GORASP1: variants seen among roughly 807,000 people sequenced by gnomAD.
The protein encoded by GORASP1 is Golgi reassembly-stacking protein 1.
In GORASP1, 31 loss-of-function variants were observed where a neutral mutation model predicts 37.7. The ratio of observed to expected loss-of-function variants is 0.82; its 90% CI spans 0.62 to 1.11. GORASP1 has a LOEUF of 1.11. Among genes scored for constraint, GORASP1 ranks in the 50% least tolerant of loss-of-function variants. The pLI is 0.00. For missense variants in GORASP1, 476 were observed against 560.7 expected (o/e 0.85, Z 1.53); for synonymous variants, 204 against 224.8 (o/e 0.91, Z 0.83).
Position 39,103,615 on chromosome 3 carries a change from C to T in GORASP1, c.64-62G>A. 1 of 1,328,464 alleles carries T rather than the reference C, an allele frequency of 7.5e-7. No individual in the cohort carries two copies. Among genetic ancestry groups the T allele is most frequent in the Non-Finnish European group, 1.1e-6 (1 of 948,508 alleles). The allele number at this position is 1,328,464 out of a possible 1,614,324, so 82.3% of individuals were successfully genotyped here. On this transcript the variant is annotated intron_variant, in intron 1 of 8. Transcript: ENST00000319283. This position sits in a 1 kb window ranked among gnomAD's most constrained non-coding sequence, Gnocchi z 5.2. ...CCTGGGACTCTCCAAGTAGCCCTCTCCCCCATTTCAGGAACCATCAGCACT... is the reference window on the plus strand; with the variant it reads ...CCTGGGACTCTCCAAGTAGCCCTCTTCCCCATTTCAGGAACCATCAGCACT...
In GORASP1 at chr3:39,100,180, A is replaced by C. The variant is rs2035604251; in HGVS notation, c.765+125T>G. On this transcript the variant is annotated intron_variant, in intron 6 of 8. Transcript: ENST00000319283. This position sits in a 1 kb window ranked among gnomAD's most constrained non-coding sequence, Gnocchi z 4.6. ...CTCCAGGCATGGCCTGCCTGCTCCC[A>C]CTGGGTCCCAGAAGTACATGGGCCT... 3.4e-6 allele frequency: 3 copies of C among 876,206 alleles called. No homozygotes were observed. Among genetic ancestry groups the C allele is most frequent in the Non-Finnish European group, 5.6e-6 (3 of 536,376 alleles). 54.3% of individuals were successfully genotyped at this position (876,206 alleles called of 1,614,324 possible). A position where few individuals can be genotyped will look rare whatever the true frequency, so the allele number is the denominator to read the frequency against.
Position 39,100,146 on chromosome 3 carries a change from G to A in GORASP1, c.765+159C>T, listed in dbSNP as rs1225636666. On this transcript the variant is annotated intron_variant, in intron 6 of 8. Coordinates refer to ENST00000319283, the MANE Select transcript of GORASP1 (RefSeq NM_031899.4). The surrounding 1 kb of genome is among the most constrained non-coding windows in gnomAD (Gnocchi z 4.6). ...CAAGGGGCAGGAAAGCCAAAAGTGA[G>A]TTTCACTGCTCCAGGCATGGCCTGC... Among the ~76,000 whole-genome samples, 1 of 152,256 alleles carries A rather than the reference G, an allele frequency of 6.6e-6. No homozygotes were observed. The highest frequency in any genetic ancestry group is 6.5e-5 in the Admixed American group (1 of 15,292).
Position 39,103,642 on chromosome 3 carries a change from C to T in GORASP1, c.64-89G>A. 2 of 919,620 alleles carry T rather than the reference C, an allele frequency of 2.2e-6. No individual in the cohort carries two copies. Among genetic ancestry groups the T allele is most frequent in the South Asian group, 3.1e-5 (2 of 63,522 alleles). The allele number at this position is 919,620 out of a possible 1,614,324, so 57.0% of individuals were successfully genotyped here. A position where few individuals can be genotyped will look rare whatever the true frequency, so the allele number is the denominator to read the frequency against. Reference sequence around the variant, plus strand: ...CCCATTTCAGGAACCATCAGCACTCCCAGTGTGCCAGCCAGAACACATGTC... The same window carrying T: ...CCCATTTCAGGAACCATCAGCACTCTCAGTGTGCCAGCCAGAACACATGTC... On this transcript the variant is annotated intron_variant, in intron 1 of 8. Coordinates refer to ENST00000319283, the MANE Select transcript of GORASP1 (RefSeq NM_031899.4). This position sits in a 1 kb window ranked among gnomAD's most constrained non-coding sequence, Gnocchi z 5.2.
intron 6 of GORASP1, 71 bp from the exon 7 acceptor site, chr3:39,099,574 A>G: frequency 2.0e-6 from 3 of 1,474,100 alleles, no homozygotes; most frequent in Non-Finnish European, 2.8e-6. Context: ...TTGCAGTCCA[A>G]CCTAACCACC....
rs560467073 is a variant in GORASP1 at position 39,096,995 on chromosome 3, G to A, written c.*1241C>T. The A allele has an allele frequency of 6.6e-6, 1 of 152,426 alleles. No individual in the cohort carries two copies. The highest frequency in any genetic ancestry group is 1.5e-5 in the Non-Finnish European group (1 of 68,056). 9.4% of individuals were successfully genotyped at this position (152,426 alleles called of 1,614,324 possible). Reference sequence around the variant, plus strand: ...ACGATCCAGGACACAATGCCTCACTGTTATGCACACGTATCAGCTGCTCTG... The same window carrying A: ...ACGATCCAGGACACAATGCCTCACTATTATGCACACGTATCAGCTGCTCTG... On this transcript the variant is annotated 3_prime_UTR_variant, in exon 9 of 9. Coordinates refer to ENST00000319283, the MANE Select transcript of GORASP1 (RefSeq NM_031899.4).
Position 39,100,948 on chromosome 3 carries a change from T to C in GORASP1, c.435+68A>G, listed in dbSNP as rs2035663939. On this transcript the variant is annotated intron_variant, in intron 4 of 8. Coordinates refer to ENST00000319283, the MANE Select transcript of GORASP1 (RefSeq NM_031899.4). This position sits in a 1 kb window ranked among gnomAD's most constrained non-coding sequence, Gnocchi z 4.6. ...CCTCAACAAAACCAGACACTTCTCA[T>C]GGACAGCACCCTTCTCTTCACACCA... The C allele has an allele frequency of 1.9e-6, 3 of 1,613,660 alleles. No homozygotes were observed. In the South Asian group the frequency reaches 3.3e-5, roughly 18 times the overall value.
At chr3:39,099,767 G>A (rs769896870) in intron 6 of GORASP1, among the ~76,000 whole-genome samples, 1 of 152,154 alleles carries the variant, frequency 6.6e-6, no homozygotes, top group African/African-American at 2.4e-5. Context: ...GTGCCCACCT[G>A]GCCCCAACAC....
Position 39,100,875 on chromosome 3 carries a change from G to A in GORASP1, c.438C>T (p.Ser146=), listed in dbSNP as rs778785537. Residue 146 remains serine (S), a splice_region_variant and synonymous_variant, in exon 5 of 9, where the codon TCC becomes TCT. Coordinates refer to ENST00000319283, the MANE Select transcript of GORASP1 (RefSeq NM_031899.4). The surrounding 1 kb of genome is among the most constrained non-coding windows in gnomAD (Gnocchi z 4.6). ...ACTCGATGAGCGTAAAGAAGTCCTC[G>A]GACTGTGAGAAACGCATAGCACCTG... ...VVGSDQILQE[S]EDFFTLIESH... 8.6e-5 allele frequency: 139 copies of A among 1,614,002 alleles called. No individual in the cohort carries two copies. Among genetic ancestry groups the A allele is most frequent in the Middle Eastern group, 6.6e-4 (4 of 6,082 alleles).
In GORASP1 at chr3:39,098,801, C is replaced by T. The variant is rs1267502305; in HGVS notation, c.1009G>A (p.Ala337Thr). 52 of 1,614,042 alleles carry T rather than the reference C, an allele frequency of 3.2e-5. No individual in the cohort carries two copies. Among genetic ancestry groups the T allele is most frequent in the Non-Finnish European group, 4.3e-5 (51 of 1,180,016 alleles). Residue 337 changes from alanine to threonine, a missense_variant, in exon 8 of 9, where the codon GCT (alanine) becomes ACT (threonine). Physicochemically the swap from Ala to Thr is moderately conservative, Grantham distance 58. Coordinates refer to ENST00000319283, the MANE Select transcript of GORASP1 (RefSeq NM_031899.4). The surrounding 1 kb of genome is among the most constrained non-coding windows in gnomAD (Gnocchi z 4.7). ...TCCTCTGGCCCTGAGGTTGAGACAG[C>T]TGTGGTGGTCAGTTCTGTGGAAGAG... ...LPSSTELTTT[A>T]VSTSGPEDIC...
Position 39,098,911 on chromosome 3 carries a change from A to C in GORASP1, c.917-18T>G, listed in dbSNP as rs761157028. The C allele has an allele frequency of 1.2e-6, 2 of 1,613,100 alleles. No individual in the cohort carries two copies. The highest frequency in any genetic ancestry group is 3.3e-5 in the Admixed American group (2 of 59,990). On this transcript the variant is annotated intron_variant, in intron 7 of 8. Transcript: ENST00000319283. This position sits in a 1 kb window ranked among gnomAD's most constrained non-coding sequence, Gnocchi z 4.7. ...CAGGAAGCCTAGGGGAGGGTGGTGC[A>C]GTTCTTTGCCAGCAAGAAACCCTGA...
chr3:39,106,870 C>T, intron 1 of GORASP1: 2 of 284,460 alleles, frequency 7.0e-6, no homozygotes, highest in South Asian at 5.1e-5. Context: ...AAGGCTGGGA[C>T]CCTCCCCAGC....
chr3:39,098,605 A>T lies in GORASP1; in HGVS notation c.1070-116T>A. On this transcript the variant is annotated intron_variant, in intron 8 of 8. Coordinates refer to ENST00000319283, the MANE Select transcript of GORASP1 (RefSeq NM_031899.4). This position sits in a 1 kb window ranked among gnomAD's most constrained non-coding sequence, Gnocchi z 4.7. Reference sequence around the variant, plus strand: ...CACTCCAGGTTTGATGGGGGATTGGAGATGGAGTGTACAAATGCCTTGGTG... The same window carrying T: ...CACTCCAGGTTTGATGGGGGATTGGTGATGGAGTGTACAAATGCCTTGGTG... 6.7e-7 allele frequency: 1 copy of T among 1,499,676 alleles called. No homozygotes were observed. Among genetic ancestry groups the T allele is most frequent in the Non-Finnish European group, 9.0e-7 (1 of 1,108,706 alleles). 92.9% of individuals were successfully genotyped at this position (1,499,676 alleles called of 1,614,324 possible).
At chr3:39,101,838 C>T (rs930254372) in intron 3 of GORASP1, among the ~76,000 whole-genome samples, 1 of 152,190 alleles carries the variant, frequency 6.6e-6, no homozygotes, top group Non-Finnish European at 1.5e-5. Flanking sequence ...CCTCCTTCCA[C>T]CAGGCTACAG....
intron 3 of GORASP1, 79 bp from the exon 4 acceptor site, chr3:39,101,181 T>C: frequency 3.2e-6 from 4 of 1,268,454 alleles, no homozygotes; most frequent in Non-Finnish European, 4.6e-6. Flanking sequence ...GGGAACTGCC[T>C]CTTGAGGTAG....
Position 39,098,383 on chromosome 3 carries a change from G to A in GORASP1, c.1176C>T (p.Leu392=). The A allele has an allele frequency of 1.9e-6, 3 of 1,614,156 alleles. No homozygotes were observed. Among genetic ancestry groups the A allele is most frequent in the Non-Finnish European group, 8.5e-7 (1 of 1,180,042 alleles). The part of the protein sequence containing the change: ...HLPQLTLPDS[L]TSAASPEDGL... The stretch of plus-strand genomic sequence containing the variant: ...CATCTTCTGGTGAGGCTGCAGAGGT[G>A]AGACTGTCAGGAAGAGTCAGCTGAG... The change falls in exon 9 of 9, where the codon CTC becomes CTT. Residue 392 remains leucine, a synonymous_variant. Transcript: ENST00000319283. The surrounding 1 kb of genome is among the most constrained non-coding windows in gnomAD (Gnocchi z 4.7).
In GORASP1 at chr3:39,103,119, A is replaced by G; in HGVS notation, c.145-238T>C. 1.7e-6 allele frequency: 1 copy of G among 603,448 alleles called. No individual in the cohort carries two copies. The highest frequency in any genetic ancestry group is 2.9e-6 in the Non-Finnish European group (1 of 339,572). The allele number at this position is 603,448 out of a possible 1,614,324, so 37.4% of individuals were successfully genotyped here. On this transcript the variant is annotated intron_variant, in intron 2 of 8. Transcript: ENST00000319283. The surrounding 1 kb of genome is among the most constrained non-coding windows in gnomAD (Gnocchi z 5.2). ...AAACCTTCCTCAGCCTGCCAGAAAA[A>G]ACAAAGCAAGCAAAAAGCCTCCCAG...
chr3:39,099,486 A>G lies in GORASP1; in HGVS notation c.783T>C (p.Pro261=). 1 of 1,610,650 alleles carries G rather than the reference A, an allele frequency of 6.2e-7. No individual in the cohort carries two copies. The highest frequency in any genetic ancestry group is 8.5e-7 in the Non-Finnish European group (1 of 1,178,604). ...SDYMEALLQA[P]GSSMEDPLPG... ...GAAGGGGATCCTCCATGGAGGAGCC[A>G]GGTGCCTGCAGCAGGGCCTAGGAAA... Residue 261 remains proline (P), a synonymous_variant, in exon 7 of 9, where the codon CCT becomes CCC. Coordinates refer to ENST00000319283, the MANE Select transcript of GORASP1 (RefSeq NM_031899.4).
chr3:39,097,994 T>C lies in GORASP1; in HGVS notation c.*242A>G. 1.8e-6 allele frequency: 1 copy of C among 554,292 alleles called. No individual in the cohort carries two copies. Among genetic ancestry groups the C allele is most frequent in the East Asian group, 3.1e-5 (1 of 32,482 alleles). 34.3% of individuals were successfully genotyped at this position (554,292 alleles called of 1,614,324 possible). A position where few individuals can be genotyped will look rare whatever the true frequency, so the allele number is the denominator to read the frequency against. The stretch of plus-strand genomic sequence containing the variant: ...CTCACCTCATCTTCACACTGGATTA[T>C]GACCAGACCCTGCTGCCTCCTGGGA... On this transcript the variant is annotated 3_prime_UTR_variant, in exon 9 of 9. Coordinates refer to ENST00000319283, the MANE Select transcript of GORASP1 (RefSeq NM_031899.4).
rs1034962121 is a variant in GORASP1, at chr3:39,098,564, G to A, written c.1070-75C>T. 20 of 1,540,180 alleles carry A rather than the reference G, an allele frequency of 1.3e-5. No individual in the cohort carries two copies. In the East Asian group the frequency reaches 2.0e-4, roughly 16 times the overall value. On this transcript the variant is annotated intron_variant, in intron 8 of 8. Coordinates refer to ENST00000319283, the MANE Select transcript of GORASP1 (RefSeq NM_031899.4). This position sits in a 1 kb window ranked among gnomAD's most constrained non-coding sequence, Gnocchi z 4.7. ...TGGTGTTAGGGCCAGTAACCCCACCGACCGCTCCCCATTGCCACTCCAGGT... is the reference window on the plus strand; with the variant it reads ...TGGTGTTAGGGCCAGTAACCCCACCAACCGCTCCCCATTGCCACTCCAGGT...
Sources: allele counts gnomAD v4.1 joint callset (sites outside exome capture counted in the v4.1 genomes callset), GRCh38; gene constraint gnomAD v4.1.1; non-coding constraint Gnocchi (gnomAD v3.1); transcripts MANE v1.5; gene names NCBI Gene and HGNC (gene_info 2026-07-23, HGNC 2026-07-21).